The following RPTOR variants were observed in gnomAD, a reference collection of about 807,000 sequenced individuals.
RPTOR encodes regulatory associated protein of MTOR complex 1.
Under a neutral mutation model 169.9 loss-of-function variants are expected in RPTOR, and 21 were observed. The observed-to-expected ratio is 0.12, with a 90% CI of 0.09 to 0.18. The LOEUF (loss-of-function observed/expected upper bound fraction) is 0.18. Ranked by LOEUF, RPTOR falls within the 10% of genes least tolerant of loss-of-function variation. The pLI, the probability that RPTOR is intolerant of heterozygous loss-of-function variation, is 1.00. For synonymous variants in RPTOR, 732 were observed against 753.2 expected, an observed-to-expected ratio of 0.97 and a Z score of 0.46; for missense variants, 1,133 against 1,855.9, an observed-to-expected ratio of 0.61 and a Z score of 7.16.
chr17:80,900,505 A>G (rs553019522), intron 20 of RPTOR, among the ~76,000 whole-genome samples: 2 of 152,236 alleles, frequency 1.3e-5, no homozygotes, highest in African/African-American at 4.8e-5. Flanking sequence ...TAGTAGAGAC[A>G]AAGTTTCTCC....
At chr17:80,618,899 T>A (rs1375413820) in intron 1 of RPTOR, among the ~76,000 whole-genome samples, 1 of 152,218 alleles carries the variant, frequency 6.6e-6, no homozygotes, top group Non-Finnish European at 1.5e-5. Flanking sequence ...GGTTTGGTGC[T>A]CACTTTGTAG....
intron 17 of RPTOR, among the ~76,000 whole-genome samples, chr17:80,888,018 G>A (rs558503471): frequency 1.2e-4 from 18 of 152,350 alleles, no homozygotes; most frequent in Admixed American, 7.8e-4. Context: ...GGCAGGAGCC[G>A]CACACAGGGA....
At chr17:80,853,226 C>T (rs1360596327) in intron 11 of RPTOR, among the ~76,000 whole-genome samples, 1 of 152,166 alleles carries the variant, frequency 6.6e-6, no homozygotes, top group Non-Finnish European at 1.5e-5. Flanking sequence ...CTATCCGGCC[C>T]CTCCCCCATC....
At chr17:80,548,494 G>A (rs997798028) in intron 1 of RPTOR, among the ~76,000 whole-genome samples, 1 of 144,408 alleles carries the variant, frequency 6.9e-6, no homozygotes, top group Admixed American at 7.5e-5. Flanking sequence ...CTATTCTCCT[G>A]CCTCAGCCTC....
At chr17:80,873,060 C>T (rs909892634) in intron 13 of RPTOR, among the ~76,000 whole-genome samples, 11 of 152,142 alleles carry the variant, frequency 7.2e-5, no homozygotes, top group South Asian at 2.1e-4. Flanking sequence ...CACACTCTTT[C>T]GCTACTGTAT....
chr17:80,730,271 T>C lies in RPTOR; in HGVS notation c.508-289T>C, dbSNP rs1277207941. The stretch of plus-strand genomic sequence containing the variant: ...ACAGGTGCCCTTCACCATGTCTGGC[T>C]AATTTTGTATTTTTAGTAGAGACTG... On this transcript the variant is annotated intron_variant, in intron 4 of 33. Transcript: ENST00000306801. The surrounding 1 kb of genome is among the most constrained non-coding windows in gnomAD (Gnocchi z 4.2). 6.6e-6 allele frequency among the ~76,000 whole-genome samples: 1 copy of C among 152,128 alleles called. No homozygotes were observed. The highest frequency in any genetic ancestry group is 2.4e-5 in the African/African-American group (1 of 41,428).
In RPTOR at chr17:80,764,086, A is replaced by G. The variant is rs199893663; in HGVS notation, c.830+9901A>G. Among the ~76,000 whole-genome samples, 90 of 151,892 alleles carry G rather than the reference A, an allele frequency of 5.9e-4. No individual in the cohort carries two copies. The East Asian group carries it at 0.017, about 28-fold the overall frequency. ...AGAGAAACCTAAAATCTCTTTAACT[A>G]ACTTGAAGTCCTGACCGTATGACTT... On this transcript the variant is annotated intron_variant, in intron 6 of 33. Transcript: ENST00000306801.
intron 21 of RPTOR, among the ~76,000 whole-genome samples, chr17:80,917,744 C>CT: frequency 6.6e-6 from 1 of 152,176 alleles, no homozygotes; most frequent in Non-Finnish European, 1.5e-5. Flanking sequence ...TTCTCTGTTG[C>CT]CACCGTGATC....
Position 80,754,506 on chromosome 17 carries a change from C to T in RPTOR, c.830+321C>T, listed in dbSNP as rs1241399660. Among the ~76,000 whole-genome samples the T allele has an allele frequency of 6.6e-6, 1 of 152,136 alleles. No individual in the cohort carries two copies. Among genetic ancestry groups the T allele is most frequent in the African/African-American group, 2.4e-5 (1 of 41,414 alleles). ...TAGGTCATACTGGAAACTGGACTTT[C>T]TTTCAGGGGAAGAAAAGGCTGTTAT... On this transcript the variant is annotated intron_variant, in intron 6 of 33. Transcript: ENST00000306801. The surrounding 1 kb of genome is among the most constrained non-coding windows in gnomAD (Gnocchi z 4.2).
At chr17:80,604,299 A>G (rs2065212574) in intron 1 of RPTOR, among the ~76,000 whole-genome samples, 1 of 152,230 alleles carries the variant, frequency 6.6e-6, no homozygotes, top group Admixed American at 6.5e-5. Flanking sequence ...TTCTGAGCTT[A>G]TGTGCTGTGC....
chr17:80,666,857 T>C (rs1400742783), intron 3 of RPTOR, among the ~76,000 whole-genome samples: 1 of 152,052 alleles, frequency 6.6e-6, no homozygotes, highest in East Asian at 1.9e-4. Flanking sequence ...GATGGCGAGT[T>C]CTCTTGACCA....
intron 13 of RPTOR, among the ~76,000 whole-genome samples, chr17:80,874,761 C>T (rs112181455): frequency 2.4e-4 from 37 of 152,296 alleles, no homozygotes; most frequent in African/African-American, 8.7e-4. Flanking sequence ...CTCAGCACAG[C>T]CCTCCATCTG....
At chr17:80,930,357 AG>A (rs2068872919) in intron 24 of RPTOR, among the ~76,000 whole-genome samples, 1 of 33,598 alleles carries the variant, frequency 3.0e-5, no homozygotes, top group Non-Finnish European at 5.6e-5. Flanking sequence ...GCTCATCCCC[AG>A]CTCATCCTCA....
chr17:80,950,910 C>T (rs1312781937), intron 28 of RPTOR, among the ~76,000 whole-genome samples: 3 of 152,240 alleles, frequency 2.0e-5, no homozygotes, highest in Admixed American at 1.3e-4. Context: ...GGCTTCAGCA[C>T]GGGAGCGCCT....
Position 80,960,777 on chromosome 17 carries a change from T to C in RPTOR, c.3605+572T>C, listed in dbSNP as rs1365434788. On this transcript the variant is annotated intron_variant, in intron 30 of 33. Coordinates refer to ENST00000306801, the MANE Select transcript of RPTOR (RefSeq NM_020761.3). This position sits in a 1 kb window ranked among gnomAD's most constrained non-coding sequence, Gnocchi z 4.8. ...CCCCTGTGGGCAGGTGCTGTCCATG[T>C]CTGGCAGGGGACAGGGCACACGCGT... 4.5e-5 allele frequency: 7 copies of C among 156,202 alleles called. No homozygotes were observed. The highest frequency in any genetic ancestry group is 1.8e-4 in the South Asian group (1 of 5,646). The allele number at this position is 156,202 out of a possible 1,614,324, so 9.7% of individuals were successfully genotyped here. A position where few individuals can be genotyped will look rare whatever the true frequency, so the allele number is the denominator to read the frequency against.
At chr17:80,938,458 G>T (rs1420006970) in intron 24 of RPTOR, among the ~76,000 whole-genome samples, 1 of 152,212 alleles carries the variant, frequency 6.6e-6, no homozygotes, top group Non-Finnish European at 1.5e-5. Flanking sequence ...ACAGCTTTGA[G>T]TCTTTCCACC....
At chr17:80,828,050 G>A (rs548564799) in intron 9 of RPTOR, among the ~76,000 whole-genome samples, 1 of 152,286 alleles carries the variant, frequency 6.6e-6, no homozygotes, top group African/African-American at 2.4e-5. Flanking sequence ...TCTGTTTCAG[G>A]CGCATCCCTG....
Position 80,713,864 on chromosome 17 carries a change from T to A in RPTOR, c.507+5865T>A, listed in dbSNP as rs528871868. Among the ~76,000 whole-genome samples the A allele has an allele frequency of 3.9e-5, 6 of 152,216 alleles. No individual in the cohort carries two copies. The East Asian group carries it at 1.2e-3, about 29-fold the overall frequency. ...AAAGTATGCAAATCCATAATCATAG[T>A]TGGAGGTTAGAAGATCTTCTTTTAG... On this transcript the variant is annotated intron_variant, in intron 4 of 33. Coordinates refer to ENST00000306801, the MANE Select transcript of RPTOR (RefSeq NM_020761.3).
In RPTOR at chr17:80,947,113, G is replaced by A. The variant is rs530452570; in HGVS notation, c.3141-114G>A. On this transcript the variant is annotated intron_variant, in intron 26 of 33. Transcript: ENST00000306801. This position sits in a 1 kb window ranked among gnomAD's most constrained non-coding sequence, Gnocchi z 4.4. The stretch of plus-strand genomic sequence containing the variant: ...ATGACAGGTGTGAGCCGCCGTGCCC[G>A]GCTGTGGTGTGTGGTTTTTTGATAG... 4.0e-4 allele frequency: 425 copies of A among 1,074,438 alleles called. No homozygotes were observed. The African/African-American group carries it at 4.6e-3, about 12-fold the overall frequency. 66.6% of individuals were successfully genotyped at this position (1,074,438 alleles called of 1,614,324 possible).
Sources: allele counts gnomAD v4.1 joint callset (sites outside exome capture counted in the v4.1 genomes callset), GRCh38; gene constraint gnomAD v4.1.1; non-coding constraint Gnocchi (gnomAD v3.1); transcripts MANE v1.5; gene names NCBI Gene and HGNC (gene_info 2026-07-23, HGNC 2026-07-21).